Variants in DENND1A observed in about 807,000 individuals in gnomAD.
DENND1A encodes DENN domain containing 1A, also known as DENN domain-containing protein 1A.
In DENND1A, 51 loss-of-function variants were observed where a neutral mutation model predicts 113.7. The ratio of observed to expected loss-of-function variants is 0.45; its 90% CI spans 0.36 to 0.57. The LOEUF (loss-of-function observed/expected upper bound fraction) is 0.57. Among genes scored for constraint, DENND1A ranks in the 20% least tolerant of loss-of-function variants. The pLI, the probability that DENND1A is intolerant of heterozygous loss-of-function variation, is 0.00. For synonymous variants in DENND1A, 565 were observed against 570.8 expected, an observed-to-expected ratio of 0.99 and a Z score of 0.14; for missense variants, 1,258 against 1,395.9, an observed-to-expected ratio of 0.90 and a Z score of 1.57.
At chr9:123,719,460 G>C (rs1180175317) in intron 5 of DENND1A, among the ~76,000 whole-genome samples, 4 of 152,168 alleles carry the variant, frequency 2.6e-5, no homozygotes, top group Admixed American at 6.5e-5. Flanking sequence ...ATCACACACA[G>C]AGCTGGCACT....
chr9:123,618,823 C>T (rs1042797573), intron 10 of DENND1A, among the ~76,000 whole-genome samples: 46 of 152,182 alleles, frequency 3.0e-4, no homozygotes, highest in Admixed American at 2.6e-4. Context: ...CGGTGCCTTC[C>T]GGGGTGCCTC....
chr9:123,497,722 G>C (rs1346215911), intron 13 of DENND1A, among the ~76,000 whole-genome samples: 1 of 147,796 alleles, frequency 6.8e-6, no homozygotes, highest in Non-Finnish European at 1.5e-5. Context: ...AAAAAACTAC[G>C]TTAGCACTAT....
chr9:123,777,271 T>C (rs1296944744), intron 3 of DENND1A, among the ~76,000 whole-genome samples: 1 of 152,248 alleles, frequency 6.6e-6, no homozygotes, highest in African/African-American at 2.4e-5. Context: ...CATTTCTGTA[T>C]AGCTGTGTTT....
intron 1 of DENND1A, among the ~76,000 whole-genome samples, chr9:123,901,656 T>C (rs141495448): frequency 2.6e-5 from 4 of 152,188 alleles, no homozygotes; most frequent in African/African-American, 7.2e-5. Context: ...GTCCTCATCA[T>C]GTGGTTGTGA....
chr9:123,641,436 CAAAAAAA>C (rs34664320), intron 9 of DENND1A, among the ~76,000 whole-genome samples: 1 of 113,450 alleles, frequency 8.8e-6, no homozygotes, highest in African/African-American at 3.0e-5. Context: ...AATGAAATGG[CAAAAAAA>C]AAAAAAAAAA....
chr9:123,906,361 G>A (rs1230006113), intron 1 of DENND1A, among the ~76,000 whole-genome samples: 1 of 129,848 alleles, frequency 7.7e-6, no homozygotes, highest in Non-Finnish European at 1.5e-5. Flanking sequence ...TAAAATCAGA[G>A]CAGAACTGAA....
At chr9:123,852,227 G>A (rs376132086) in intron 2 of DENND1A, among the ~76,000 whole-genome samples, 3 of 152,144 alleles carry the variant, frequency 2.0e-5, no homozygotes, top group African/African-American at 7.2e-5. Context: ...CTATACTTAA[G>A]AAGTCATATC....
chr9:123,387,458 C>T (rs1255549753), intron 22 of DENND1A, among the ~76,000 whole-genome samples: 1 of 152,234 alleles, frequency 6.6e-6, no homozygotes, highest in African/African-American at 2.4e-5. Context: ...CAATCAAGCA[C>T]ATTTCATCTC....
At chr9:123,704,801 T>C (rs1473324767) in intron 5 of DENND1A, among the ~76,000 whole-genome samples, 1 of 152,000 alleles carries the variant, frequency 6.6e-6, no homozygotes, top group Non-Finnish European at 1.5e-5. Flanking sequence ...AAATGGAATA[T>C]CACAAAATGA....
chr9:123,403,526 G>T, intron 20 of DENND1A, 36 bp from the exon 21 acceptor site: 1 of 1,591,808 alleles, frequency 6.3e-7, no homozygotes, highest in South Asian at 1.1e-5. Context: ...CCAAGAAGGA[G>T]TGAGTTGGAA....
intron 12 of DENND1A, among the ~76,000 whole-genome samples, chr9:123,569,131 A>C (rs1470909412): frequency 6.6e-6 from 1 of 152,230 alleles, no homozygotes; most frequent in African/African-American, 2.4e-5. Flanking sequence ...GATTCAAGTT[A>C]AATCTTTGTT....
At chr9:123,525,536 C>T (rs138314161) in intron 13 of DENND1A, among the ~76,000 whole-genome samples, 119 of 152,192 alleles carry the variant, frequency 7.8e-4, no homozygotes, top group East Asian at 3.7e-3. Flanking sequence ...CAGCTTTAAC[C>T]GGATCCGTTT....
At chr9:123,497,691 T>G (rs149641784) in intron 13 of DENND1A, among the ~76,000 whole-genome samples, 1 of 152,002 alleles carries the variant, frequency 6.6e-6, no homozygotes, top group Non-Finnish European at 1.5e-5. Context: ...CAGAAGAGCC[T>G]TATGAGCATT....
At position 123,876,118 on chromosome 9, in the gene DENND1A, A is replaced by G. The variant is rs1165558055; in HGVS notation, c.88+2833T>C. Among the ~76,000 whole-genome samples, 3 of 152,238 alleles carry G rather than the reference A, an allele frequency of 2.0e-5. No homozygotes were observed. In the East Asian group the frequency reaches 5.8e-4, roughly 29 times the overall value. On this transcript the variant is annotated intron_variant, in intron 2 of 23. Transcript: ENST00000394215. Reference sequence around the variant, plus strand: ...AACACTTTTGAGATACTTTTACCAAAAACCAATAACCTGCATCTAATCATG... The same window carrying G: ...AACACTTTTGAGATACTTTTACCAAGAACCAATAACCTGCATCTAATCATG...
At chr9:123,516,999 TC>T (rs1406208879) in intron 13 of DENND1A, among the ~76,000 whole-genome samples, 1 of 149,914 alleles carries the variant, frequency 6.7e-6, no homozygotes, top group East Asian at 2.0e-4. Context: ...TATCCTTTAA[TC>T]CAGAACTGGA....
intron 21 of DENND1A, among the ~76,000 whole-genome samples, chr9:123,399,114 G>C (rs2043296926): frequency 6.6e-6 from 1 of 152,086 alleles, no homozygotes; most frequent in Non-Finnish European, 1.5e-5. Flanking sequence ...CTTTTAATAG[G>C]AGGGGAGCTG....
Position 123,875,722 on chromosome 9 carries a change from C to A in DENND1A, c.88+3229G>T, listed in dbSNP as rs146659349. Among the ~76,000 whole-genome samples, 278 of 152,310 alleles carry A rather than the reference C, an allele frequency of 1.8e-3. 8 individuals carry two copies. In the East Asian group the frequency reaches 0.046, roughly 25 times the overall value. On this transcript the variant is annotated intron_variant, in intron 2 of 23. Transcript: ENST00000394215. ...GAGAGACTCACACAGGCTCCAGAAACAAGCTCAAGGCCATTTGGGCAAGAA... is the reference window on the plus strand; with the variant it reads ...GAGAGACTCACACAGGCTCCAGAAAAAAGCTCAAGGCCATTTGGGCAAGAA...
chr9:123,566,156 G>C (rs539142487), intron 12 of DENND1A, among the ~76,000 whole-genome samples: 1 of 152,322 alleles, frequency 6.6e-6, no homozygotes, highest in East Asian at 1.9e-4. Flanking sequence ...TCTCACTGCT[G>C]CCAGGGTTTC....
chr9:123,459,408 A>G (rs1010184162), intron 13 of DENND1A, among the ~76,000 whole-genome samples: 3 of 152,244 alleles, frequency 2.0e-5, no homozygotes, highest in Non-Finnish European at 2.9e-5. Context: ...TGAAATTTTA[A>G]AATAATTAAA....
Sources: allele counts gnomAD v4.1 joint callset (sites outside exome capture counted in the v4.1 genomes callset), GRCh38; gene constraint gnomAD v4.1.1; transcripts MANE v1.5; gene names NCBI Gene and HGNC (gene_info 2026-07-23, HGNC 2026-07-21).